The following PTPRG variants were observed in gnomAD, a reference collection of about 807,000 sequenced individuals.
The protein encoded by PTPRG is receptor-type tyrosine-protein phosphatase gamma.
Under a neutral mutation model 165.3 loss-of-function variants are expected in PTPRG, and 102 were observed. The observed-to-expected ratio is 0.62, with a 90% CI of 0.53 to 0.73. The LOEUF (loss-of-function observed/expected upper bound fraction) is 0.73, where lower values mean the gene tolerates loss of function less well. PTPRG is among the 30% of genes least tolerant of loss of function. The pLI is 0.00. For synonymous variants in PTPRG, 675 were observed against 669.5 expected, an observed-to-expected ratio of 1.01 and a Z score of -0.13; for missense variants, 1,866 against 1,861.4, an observed-to-expected ratio of 1.00 and a Z score of -0.05.
At chr3:61,900,809 C>G (rs541722705) in intron 2 of PTPRG, among the ~76,000 whole-genome samples, 1 of 151,960 alleles carries the variant, frequency 6.6e-6, no homozygotes, top group Non-Finnish European at 1.5e-5. Flanking sequence ...AAAAAAAAAT[C>G]GTAGGTGGCA....
At chr3:61,612,791 G>A (rs1575537570) in intron 1 of PTPRG, among the ~76,000 whole-genome samples, 1 of 151,910 alleles carries the variant, frequency 6.6e-6, no homozygotes, top group Admixed American at 6.5e-5. Context: ...GAGAGAATTT[G>A]ATGATATCAG....
rs1479016935 is a variant in PTPRG, at chr3:61,721,830, CCAGAAGTAGTG to C, written c.86-27047_86-27037del. ...ATAAGTTAGTATAAATACTGGAGAT[CCAGAAGTAGTG>C]TATTTCCAGACAATCAGCGACCAGT... On this transcript the variant is annotated intron_variant, in intron 1 of 29. Coordinates refer to ENST00000474889, the MANE Select transcript of PTPRG (RefSeq NM_002841.4). 2.6e-5 allele frequency among the ~76,000 whole-genome samples: 4 copies of C among 152,044 alleles called. No individual in the cohort carries two copies. In the East Asian group the frequency reaches 7.7e-4, roughly 29 times the overall value.
intron 4 of PTPRG, among the ~76,000 whole-genome samples, chr3:62,028,699 A>T (rs181565558): frequency 2.0e-5 from 3 of 152,196 alleles, no homozygotes; most frequent in African/African-American, 4.8e-5. Context: ...ACATAAAAAG[A>T]TTGTTTATTT....
intron 2 of PTPRG, among the ~76,000 whole-genome samples, chr3:61,847,720 C>G (rs2036844565): frequency 1.3e-5 from 2 of 152,122 alleles, no homozygotes; most frequent in African/African-American, 2.4e-5. Flanking sequence ...GTCTGGAAAT[C>G]CAGAACAAAA....
At chr3:61,943,383 G>T (rs1384046373) in intron 2 of PTPRG, among the ~76,000 whole-genome samples, 1 of 152,182 alleles carries the variant, frequency 6.6e-6, no homozygotes, top group African/African-American at 2.4e-5. Context: ...GAGGTCAGGG[G>T]TGTTCGAGAC....
chr3:62,149,989 C>T (rs1404403408), intron 6 of PTPRG, among the ~76,000 whole-genome samples: 1 of 152,220 alleles, frequency 6.6e-6, no homozygotes, highest in Non-Finnish European at 1.5e-5. Context: ...TTTCTCCCTT[C>T]CTGGAGTGTT....
At chr3:61,827,992 C>G (rs1310769043) in intron 2 of PTPRG, among the ~76,000 whole-genome samples, 2 of 152,020 alleles carry the variant, frequency 1.3e-5, no homozygotes, top group East Asian at 3.9e-4. Context: ...AAATATTTTT[C>G]CTTAAATTAA....
chr3:62,263,131 T>C (rs1269738431), intron 17 of PTPRG: 2 of 418,022 alleles, frequency 4.8e-6, no homozygotes, highest in African/African-American at 4.1e-5. Context: ...AGAAAATGTT[T>C]GGAGCTTCGC....
intron 1 of PTPRG, among the ~76,000 whole-genome samples, chr3:61,698,969 A>G (rs926515197): frequency 5.3e-5 from 8 of 151,910 alleles, no homozygotes; most frequent in South Asian, 2.1e-4. Context: ...AAATTGAACA[A>G]TGAGAACACA....
At chr3:62,024,490 T>C (rs2041764970) in intron 4 of PTPRG, among the ~76,000 whole-genome samples, 1 of 152,198 alleles carries the variant, frequency 6.6e-6, no homozygotes, top group Non-Finnish European at 1.5e-5. Flanking sequence ...TTAAGTGATT[T>C]TAATTTTCTA....
chr3:62,210,347 G>C lies in PTPRG; in HGVS notation c.2155+6397G>C, dbSNP rs1576138684. ...TCCAGAAAAATAAAAGGCCAGTTTTGTGGCCCTGTAAAAACAGCAGCCACC... is the reference window on the plus strand; with the variant it reads ...TCCAGAAAAATAAAAGGCCAGTTTTCTGGCCCTGTAAAAACAGCAGCCACC... On this transcript the variant is annotated intron_variant, in intron 12 of 29. Coordinates refer to ENST00000474889, the MANE Select transcript of PTPRG (RefSeq NM_002841.4). The surrounding 1 kb of genome is among the most constrained non-coding windows in gnomAD (Gnocchi z 4.1). 1.3e-5 allele frequency among the ~76,000 whole-genome samples: 2 copies of C among 152,168 alleles called. No homozygotes were observed. Among genetic ancestry groups the C allele is most frequent in the African/African-American group, 4.8e-5 (2 of 41,436 alleles).
intron 1 of PTPRG, among the ~76,000 whole-genome samples, chr3:61,698,579 C>G (rs1323783739): frequency 2.0e-5 from 3 of 152,176 alleles, no homozygotes; most frequent in Admixed American, 6.5e-5. Flanking sequence ...TTGGCTAATC[C>G]TTACGTAGCA....
In PTPRG at chr3:61,853,301, G is replaced by A. The variant is rs138825882; in HGVS notation, c.190+104319G>A. Among the ~76,000 whole-genome samples the A allele has an allele frequency of 1.1e-3, 160 of 152,314 alleles. 2 individuals are homozygous for A. Among genetic ancestry groups the A allele is most frequent in the African/African-American group, 3.5e-3 (146 of 41,582 alleles). On this transcript the variant is annotated intron_variant, in intron 2 of 29. Transcript: ENST00000474889. ...TTTTTAGTCTTGTTAAACAAAGAGA[G>A]CTGGTTTGTGTGATCAGTTGACGAT...
At chr3:62,133,550 G>C (rs1703595197) in intron 6 of PTPRG, among the ~76,000 whole-genome samples, 1 of 152,178 alleles carries the variant, frequency 6.6e-6, no homozygotes, top group Admixed American at 6.5e-5. Flanking sequence ...CCAGTTGTCA[G>C]GGGTCAATTG....
intron 2 of PTPRG, among the ~76,000 whole-genome samples, chr3:61,832,145 C>T (rs896604772): frequency 6.6e-6 from 1 of 152,100 alleles, no homozygotes; most frequent in Non-Finnish European, 1.5e-5. Context: ...TTTGCATGCA[C>T]AATTCCATGC....
At chr3:62,003,252 A>G (rs2041217195) in intron 3 of PTPRG, 97 bp from the exon 4 acceptor site, 1 of 1,373,076 alleles carries the variant, frequency 7.3e-7, no homozygotes, top group Admixed American at 2.1e-5. Flanking sequence ...CATAATTCAT[A>G]TCATGGTAAT....
At chr3:61,836,827 C>T (rs1324264151) in intron 2 of PTPRG, among the ~76,000 whole-genome samples, 2 of 152,098 alleles carry the variant, frequency 1.3e-5, no homozygotes, top group Non-Finnish European at 2.9e-5. Flanking sequence ...TCACTGCAAC[C>T]TCTGCCTCCC....
At chr3:61,842,834 A>G (rs894979790) in intron 2 of PTPRG, among the ~76,000 whole-genome samples, 1 of 152,198 alleles carries the variant, frequency 6.6e-6, no homozygotes, top group Non-Finnish European at 1.5e-5. Context: ...CTGAATGACA[A>G]CCTGGAGGGG....
At chr3:61,720,463 T>C (rs937278094) in intron 1 of PTPRG, among the ~76,000 whole-genome samples, 10 of 152,114 alleles carry the variant, frequency 6.6e-5, no homozygotes, top group African/African-American at 2.4e-4. Flanking sequence ...GTAACATGCA[T>C]GTGGAAAAAT....
Sources: allele counts gnomAD v4.1 joint callset (sites outside exome capture counted in the v4.1 genomes callset), GRCh38; gene constraint gnomAD v4.1.1; non-coding constraint Gnocchi (gnomAD v3.1); transcripts MANE v1.5; gene names NCBI Gene and HGNC (gene_info 2026-07-23, HGNC 2026-07-21).